SLC28A1: variants seen among roughly 807,000 people sequenced by gnomAD.
SLC28A1 encodes sodium/nucleoside cotransporter 1.
SLC28A1 carries 64 observed loss-of-function variants against 74.8 expected under a neutral mutation model. The ratio of observed to expected loss-of-function variants is 0.86; its 90% CI spans 0.70 to 1.05. The LOEUF (loss-of-function observed/expected upper bound fraction) is 1.05, where lower values mean the gene tolerates loss of function less well. Among genes scored for constraint, SLC28A1 ranks in the 50% least tolerant of loss-of-function variants. The probability of loss-of-function intolerance (pLI) is 0.00; values close to 1 mark genes in which losing one functional copy is unlikely to be tolerated. For missense variants in SLC28A1, 828 were observed against 822.8 expected (o/e 1.01, Z -0.08); for synonymous variants, 359 against 335.0 (o/e 1.07, Z -0.78).
At chr15:84,931,801 A>G (rs548507623) in intron 12 of SLC28A1, among the ~76,000 whole-genome samples, 110 of 152,042 alleles carry the variant, frequency 7.2e-4, no homozygotes, top group African/African-American at 2.6e-3. Context: ...CAGGAGTTCG[A>G]GACTAGCCTG....
chr15:84,946,108 A>ATTTT (rs1567196454), downstream of SLC28A1, among the ~76,000 whole-genome samples: 6 of 11,124 alleles, frequency 5.4e-4, no homozygotes, highest in African/African-American at 1.1e-3. Flanking sequence ...ATATATATAT[A>ATTTT]TATATTTTTT....
chr15:84,961,221 C>G, the SLC28A1 span, among the ~76,000 whole-genome samples: 1 of 152,140 alleles, frequency 6.6e-6, no homozygotes, highest in Non-Finnish European at 1.5e-5. Context: ...CTTTTGAGAA[C>G]AGCGTGACTC....
the SLC28A1 span, among the ~76,000 whole-genome samples, chr15:84,969,929 C>G: frequency 1.3e-5 from 2 of 152,276 alleles, no homozygotes; most frequent in African/African-American, 4.8e-5. Context: ...GTAATAAGGA[C>G]AGAGGGATTT....
At position 84,887,708 on chromosome 15, in the gene SLC28A1, C is replaced by T. The variant is rs1361389679; in HGVS notation, c.-16-37C>T. ...CCTAAACTGGGCCCTGCCCGGCCTC[C>T]CTTTCAGCGTTGGGCGCTCCCTGAT... On this transcript the variant is annotated intron_variant, in intron 2 of 18. Transcript: ENST00000394573. 2.5e-6 allele frequency: 4 copies of T among 1,599,900 alleles called. No homozygotes were observed. In the African/African-American group the frequency reaches 4.0e-5, roughly 16 times the overall value.
At chr15:84,944,430 A>G in intron 16 of SLC28A1, 136 bp from the exon 17 acceptor site, 2 of 718,904 alleles carry the variant, frequency 2.8e-6, no homozygotes, top group Non-Finnish European at 5.1e-6. Flanking sequence ...GCAAGCTGTC[A>G]GGAGGACAAC....
At chr15:84,966,357 G>A in the SLC28A1 span, among the ~76,000 whole-genome samples, 5 of 152,160 alleles carry the variant, frequency 3.3e-5, no homozygotes, top group African/African-American at 4.8e-5. Flanking sequence ...GTGAGCCACT[G>A]TGCCCAGCTT....
intron 15 of SLC28A1, among the ~76,000 whole-genome samples, chr15:84,935,960 T>G (rs1452875786): frequency 7.2e-6 from 1 of 139,628 alleles, no homozygotes; most frequent in East Asian, 2.0e-4. Flanking sequence ...TGTTTTTTTT[T>G]TTTTTTTTTT....
intron 12 of SLC28A1, among the ~76,000 whole-genome samples, chr15:84,929,963 C>T (rs1188076749): frequency 6.6e-6 from 1 of 152,204 alleles, no homozygotes; most frequent in African/African-American, 2.4e-5. Context: ...AATGTCACAG[C>T]CCTGCAGAGT....
chr15:84,938,890 T>C (rs1972304914), intron 15 of SLC28A1, among the ~76,000 whole-genome samples: 1 of 152,180 alleles, frequency 6.6e-6, no homozygotes, highest in Non-Finnish European at 1.5e-5. Flanking sequence ...GGAAGAGGCA[T>C]GTGCAAAGGC....
rs1964387553 is a variant in SLC28A1 at position 84,884,775 on chromosome 15, A to G, written c.-133+24A>G. On this transcript the variant is annotated intron_variant, in intron 1 of 18. Transcript: ENST00000394573. Reference sequence around the variant, plus strand: ...GGGTGAGAGAAAAGGACAGTAGGAGAGGAGGGAAGGCGGGACTGAAGAAAG... The same window carrying G: ...GGGTGAGAGAAAAGGACAGTAGGAGGGGAGGGAAGGCGGGACTGAAGAAAG... 6 of 981,626 alleles carry G rather than the reference A, an allele frequency of 6.1e-6. No individual in the cohort carries two copies. The African/African-American group carries it at 8.8e-5, about 14-fold the overall frequency. 60.8% of individuals were successfully genotyped at this position (981,626 alleles called of 1,614,324 possible).
At chr15:84,899,367 G>A (rs1369504831) in intron 6 of SLC28A1, among the ~76,000 whole-genome samples, 1 of 150,762 alleles carries the variant, frequency 6.6e-6, no homozygotes, top group Non-Finnish European at 1.5e-5. Flanking sequence ...ACGAAATTAT[G>A]TCCAAAAAAA....
chr15:84,943,540 G>GTGA lies in SLC28A1; in HGVS notation c.1663+14_1663+15insTGA. 1 of 1,600,840 alleles carries GTGA rather than the reference G, an allele frequency of 6.2e-7. No homozygotes were observed. The highest frequency in any genetic ancestry group is 1.7e-5 in the Admixed American group (1 of 60,004). On this transcript the variant is annotated intron_variant, in intron 16 of 18. Transcript: ENST00000394573. Reference sequence around the variant, plus strand: ...TGGGAGGCTTGAGTGAGTCTAATCAGGGCCTCACCAGTGTCTAGGAGAGTC... The same window carrying GTGA: ...TGGGAGGCTTGAGTGAGTCTAATCAGTGAGGCCTCACCAGTGTCTAGGAGAGTC...
At chr15:84,969,696 G>A in the SLC28A1 span, among the ~76,000 whole-genome samples, 1 of 152,160 alleles carries the variant, frequency 6.6e-6, no homozygotes, top group African/African-American at 2.4e-5. Context: ...AGCTGTAGGC[G>A]GGTGAGACAC....
intron 15 of SLC28A1, among the ~76,000 whole-genome samples, chr15:84,942,011 A>G (rs1972780735): frequency 6.6e-6 from 1 of 152,206 alleles, no homozygotes; most frequent in Non-Finnish European, 1.5e-5. Context: ...AAATAAGAGT[A>G]ATAATAGTAC....
rs915982266 is a variant in SLC28A1 at position 84,936,239 on chromosome 15, G to A, written c.1581+721G>A. 4.6e-5 allele frequency among the ~76,000 whole-genome samples: 6 copies of A among 130,952 alleles called. No homozygotes were observed. The South Asian group carries it at 7.3e-4, about 16-fold the overall frequency. The allele number at this position is 130,952 out of a possible 152,430, so 85.9% of individuals were successfully genotyped here. A position where few individuals can be genotyped will look rare whatever the true frequency, so the allele number is the denominator to read the frequency against. On this transcript the variant is annotated intron_variant, in intron 15 of 18. Coordinates refer to ENST00000394573, the MANE Select transcript of SLC28A1 (RefSeq NM_004213.5). ...ATTACAAGCGTGAGCCACTGCGCCC[G>A]GCTGTTTTGGTTTGGTTTGGTTTGG... is the stretch of plus-strand genomic sequence containing the variant.
At chr15:84,886,308 A>T in intron 1 of SLC28A1, 1 of 985,238 alleles carries the variant, frequency 1.0e-6, no homozygotes, top group East Asian at 1.1e-4. Context: ...AGGGAGATAG[A>T]GAAAGATGCA....
chr15:84,935,630 G>A, intron 15 of SLC28A1, 112 bp downstream of exon 15: 1 of 896,916 alleles, frequency 1.1e-6, no homozygotes, highest in Non-Finnish European at 1.8e-6. Flanking sequence ...ACACACTGAA[G>A]TGGTGCTTCA....
intron 9 of SLC28A1, among the ~76,000 whole-genome samples, chr15:84,911,518 C>G (rs1425384575): frequency 6.6e-6 from 1 of 152,194 alleles, no homozygotes; most frequent in Non-Finnish European, 1.5e-5. Context: ...CCTCATGTCT[C>G]TCCTCCAAAT....
chr15:84,914,105 T>C (rs556548634), intron 9 of SLC28A1, among the ~76,000 whole-genome samples: 1 of 152,298 alleles, frequency 6.6e-6, no homozygotes, highest in South Asian at 2.1e-4. Context: ...CATGCCACCA[T>C]GCCCAGCTAA....
Sources: gnomAD v4.1 joint callset for allele counts (sites outside exome capture counted in the v4.1 genomes callset) on GRCh38, gnomAD v4.1.1 for gene constraint, MANE v1.5 for transcripts, NCBI Gene and HGNC (gene_info 2026-07-23, HGNC 2026-07-21) for gene names.